The following CACNB4 variants were observed in gnomAD, a reference collection of about 807,000 sequenced individuals.
CACNB4 encodes voltage-dependent L-type calcium channel subunit beta-4.
CACNB4 carries 32 observed loss-of-function variants against 71.2 expected under a neutral mutation model. The ratio of observed to expected loss-of-function variants is 0.45; its 90% confidence interval spans 0.34 to 0.60. The LOEUF (loss-of-function observed/expected upper bound fraction) is 0.60, where lower values mean the gene tolerates loss of function less well. Ranked by LOEUF, CACNB4 falls within the 20% of genes least tolerant of loss-of-function variation. The probability of loss-of-function intolerance (pLI) is 0.01; values close to 1 mark genes in which losing one functional copy is unlikely to be tolerated. For synonymous variants in CACNB4, 231 were observed against 236.9 expected, an observed-to-expected ratio of 0.97 and a Z score of 0.23; for missense variants, 464 against 647.9, an observed-to-expected ratio of 0.72 and a Z score of 3.08.
At chr2:152,066,370 G>T (rs1406904767) in intron 2 of CACNB4, among the ~76,000 whole-genome samples, 3 of 152,158 alleles carry the variant, frequency 2.0e-5, no homozygotes, top group African/African-American at 7.2e-5. Flanking sequence ...AGACATTTAT[G>T]CAGCCAAAAA....
chr2:152,083,913 G>A (rs1259617454), intron 2 of CACNB4, among the ~76,000 whole-genome samples: 4 of 152,118 alleles, frequency 2.6e-5, no homozygotes, highest in South Asian at 4.1e-4. Context: ...CTTTGAAAAC[G>A]CTTCAGGCCC....
At chr2:152,076,544 T>C (rs897256304) in intron 2 of CACNB4, among the ~76,000 whole-genome samples, 1 of 152,088 alleles carries the variant, frequency 6.6e-6, no homozygotes, top group Non-Finnish European at 1.5e-5. Context: ...TCTCTTTACA[T>C]AGTTTCAGGT....
intron 2 of CACNB4, chr2:151,971,969 A>T: frequency 4.8e-6 from 1 of 210,144 alleles, no homozygotes; most frequent in Non-Finnish European, 9.6e-6. Context: ...AGTACCTAGC[A>T]CTACCCGCCA....
intron 2 of CACNB4, among the ~76,000 whole-genome samples, chr2:151,900,209 T>C (rs186843906): frequency 9.9e-4 from 151 of 152,336 alleles, no homozygotes; most frequent in African/African-American, 3.3e-3. Flanking sequence ...TTCTTGCCTT[T>C]AAAGAGCTTT....
At chr2:151,880,968 G>T in intron 3 of CACNB4, 46 bp from the exon 4 acceptor site, 1 of 1,538,980 alleles carries the variant, frequency 6.5e-7, no homozygotes, top group Non-Finnish European at 8.8e-7. Context: ...GGAGGAGAGA[G>T]GAGCATTTTT....
intron 2 of CACNB4, among the ~76,000 whole-genome samples, chr2:151,952,641 G>T (rs1056041059): frequency 6.6e-6 from 1 of 152,320 alleles, no homozygotes. Context: ...GACCCGAGAA[G>T]CAGCTAGTCC....
chr2:151,861,121 A>G, intron 9 of CACNB4: 2 of 309,966 alleles, frequency 6.5e-6, no homozygotes, highest in Non-Finnish European at 5.9e-6. Flanking sequence ...CCAGGAAGGA[A>G]TCAAGACATA....
At chr2:152,091,928 T>C (rs1687994304) in intron 2 of CACNB4, among the ~76,000 whole-genome samples, 1 of 152,244 alleles carries the variant, frequency 6.6e-6, no homozygotes, top group South Asian at 2.1e-4. Flanking sequence ...CAACTGATGC[T>C]ATGGTTCTTC....
At chr2:151,908,345 C>T (rs890574586) in intron 2 of CACNB4, among the ~76,000 whole-genome samples, 3 of 152,200 alleles carry the variant, frequency 2.0e-5, no homozygotes, top group African/African-American at 7.2e-5. Context: ...AGAGACTATT[C>T]TGAAGGCAAA....
chr2:151,938,133 C>T (rs1440438208), intron 2 of CACNB4, among the ~76,000 whole-genome samples: 1 of 152,100 alleles, frequency 6.6e-6, no homozygotes, highest in Non-Finnish European at 1.5e-5. Flanking sequence ...TTTCATGTAC[C>T]AGAAATGGTG....
At position 151,977,615 on chromosome 2, in the gene CACNB4, A is replaced by C. The variant is rs138912150; in HGVS notation, c.148-94245T>G. ...AGAGAGAAGAAGGAGAGAAAAGCCAAAGTGAGAAGATTAGCTATTAGCTAT... is the reference window on the plus strand; with the variant it reads ...AGAGAGAAGAAGGAGAGAAAAGCCACAGTGAGAAGATTAGCTATTAGCTAT... On this transcript the variant is annotated intron_variant, in intron 2 of 13. Transcript: ENST00000539935. Among the ~76,000 whole-genome samples, 4 of 152,354 alleles carry C rather than the reference A, an allele frequency of 2.6e-5. No individual in the cohort carries two copies. The East Asian group carries it at 7.7e-4, about 29-fold the overall frequency.
intron 2 of CACNB4, among the ~76,000 whole-genome samples, chr2:151,946,415 C>T (rs1285599966): frequency 6.6e-6 from 1 of 151,970 alleles, no homozygotes. Context: ...GGACACAGGA[C>T]AGTCCCAGGC....
chr2:151,991,993 A>G (rs1350636957), intron 2 of CACNB4, among the ~76,000 whole-genome samples: 2 of 152,236 alleles, frequency 1.3e-5, no homozygotes, highest in Admixed American at 1.3e-4. Context: ...AGTCCCACTG[A>G]GAACTTCTAA....
At chr2:151,895,913 C>T (rs2151489998) in intron 2 of CACNB4, among the ~76,000 whole-genome samples, 1 of 150,404 alleles carries the variant, frequency 6.6e-6, no homozygotes, top group Non-Finnish European at 1.5e-5. Flanking sequence ...GGGGCAATCT[C>T]AGCTCACATG....
intron 11 of CACNB4, chr2:151,854,391 G>A (rs1248877262): frequency 1.3e-5 from 2 of 152,248 alleles, no homozygotes; most frequent in Non-Finnish European, 2.9e-5. Flanking sequence ...ATAGATGGAA[G>A]GCTAGGATCT....
intron 2 of CACNB4, chr2:151,973,001 T>G (rs2099873026): frequency 6.6e-6 from 1 of 152,206 alleles, no homozygotes; most frequent in South Asian, 2.1e-4. Context: ...TTCAGGAAAT[T>G]ATTTCACCCT....
intron 2 of CACNB4, among the ~76,000 whole-genome samples, chr2:152,081,609 G>T (rs529748163): frequency 2.0e-5 from 3 of 152,158 alleles, no homozygotes; most frequent in Non-Finnish European, 2.9e-5. Flanking sequence ...AGAGAGCTCT[G>T]GTCCCCCTTC....
At chr2:151,899,573 T>C (rs1268950912) in intron 2 of CACNB4, among the ~76,000 whole-genome samples, 1 of 152,212 alleles carries the variant, frequency 6.6e-6, no homozygotes, top group Admixed American at 6.5e-5. Flanking sequence ...GCTTTAGTCA[T>C]TTTTACCGAG....
chr2:152,015,155 T>C (rs1004135213), intron 2 of CACNB4, among the ~76,000 whole-genome samples: 5 of 151,998 alleles, frequency 3.3e-5, no homozygotes, highest in African/African-American at 1.2e-4. Flanking sequence ...TTTTTTGAGA[T>C]GGAGTCTCGC....
Sources: allele counts gnomAD v4.1 joint callset (sites outside exome capture counted in the v4.1 genomes callset), GRCh38; gene constraint gnomAD v4.1.1; transcripts MANE v1.5; gene names NCBI Gene and HGNC (gene_info 2026-07-23, HGNC 2026-07-21).